Variants in SCN10A observed in about 807,000 individuals in gnomAD.
The protein encoded by SCN10A is sodium channel protein type 10 subunit alpha.
SCN10A carries 162 observed loss-of-function variants against 170.7 expected under a neutral mutation model. That is an observed-to-expected ratio of 0.95 (90% CI 0.84 to 1.08). The LOEUF (loss-of-function observed/expected upper bound fraction) is 1.08. Among genes scored for constraint, SCN10A ranks in the 50% least tolerant of loss-of-function variants. The pLI, the probability that SCN10A is intolerant of heterozygous loss-of-function variation, is 0.00. For missense variants in SCN10A, 2,527 were observed against 2,436.9 expected (o/e 1.04, Z -0.78); for synonymous variants, 985 against 904.6 (o/e 1.09, Z -1.59).
intron 26 of SCN10A, among the ~76,000 whole-genome samples, chr3:38,705,866 G>A (rs1285822636): frequency 6.6e-6 from 1 of 152,136 alleles, no homozygotes; most frequent in Non-Finnish European, 1.5e-5. Flanking sequence ...GTAAGTCTTA[G>A]GGTCCTCCTC....
intron 4 of SCN10A, among the ~76,000 whole-genome samples, chr3:38,786,527 A>G (rs2064205200): frequency 6.6e-6 from 1 of 152,174 alleles, no homozygotes; most frequent in South Asian, 2.1e-4. Context: ...TACCTAATGT[A>G]GATGATGGGT....
intron 5 of SCN10A, among the ~76,000 whole-genome samples, chr3:38,767,763 T>C (rs993177126): frequency 2.4e-4 from 37 of 152,150 alleles, no homozygotes; most frequent in Non-Finnish European, 1.9e-4. Flanking sequence ...CCATTTGTTC[T>C]AGGTTACAGT....
intron 1 of SCN10A, among the ~76,000 whole-genome samples, chr3:38,796,698 T>C (rs1222125675): frequency 6.6e-6 from 1 of 152,184 alleles, no homozygotes; most frequent in Non-Finnish European, 1.5e-5. Context: ...GCTAATCCTC[T>C]CTTATTCTTG....
At chr3:38,714,110 T>C in intron 21 of SCN10A, 30 bp from the exon 22 acceptor site, 2 of 1,609,066 alleles carry the variant, frequency 1.2e-6, no homozygotes, top group Non-Finnish European at 1.7e-6. Context: ...GAAACATCAC[T>C]CTAGGTTTCC....
At chr3:38,772,004 C>G (rs1212771516) in intron 4 of SCN10A, among the ~76,000 whole-genome samples, 4 of 152,176 alleles carry the variant, frequency 2.6e-5, no homozygotes, top group Non-Finnish European at 5.9e-5. Flanking sequence ...ACCAGTTGAG[C>G]TTTCTAGATG....
chr3:38,758,694 C>A (rs1358243439), intron 8 of SCN10A, among the ~76,000 whole-genome samples: 1 of 152,184 alleles, frequency 6.6e-6, no homozygotes, highest in East Asian at 1.9e-4. Flanking sequence ...GCTTTCACGG[C>A]ATGCCCCGGC....
At chr3:38,815,265 C>A (rs901508148) in intron 1 of SCN10A, among the ~76,000 whole-genome samples, 8 of 149,744 alleles carry the variant, frequency 5.3e-5, no homozygotes, top group Admixed American at 4.7e-4. Context: ...TGAATAATAC[C>A]CTTGGATACC....
rs1192260985 is a variant in SCN10A at position 38,718,682 on chromosome 3, AG to A, written c.3651del (p.Trp1218GlyfsTer9). ...ACAATGAGGAAGTCCAGCCAGCACCAGGCATTGGTGAAGTACTTTTTGAAGC... is the reference window on the plus strand; with the variant it reads ...ACAATGAGGAAGTCCAGCCAGCACCAGCATTGGTGAAGTACTTTTTGAAGC... Reference protein sequence around the residue: ...AYGFKKYFTNAWCWLDFLIVN... With the variant: ...AYGFKKYFTNXWCWLDFLIVN... On this transcript the variant is annotated frameshift_variant, in exon 21 of 28. Coordinates refer to ENST00000449082, the MANE Select transcript of SCN10A (RefSeq NM_006514.4). LOFTEE classifies it high-confidence loss of function. The A allele has an allele frequency of 6.2e-7, 1 of 1,614,080 alleles. No homozygotes were observed. Among genetic ancestry groups the A allele is most frequent in the East Asian group, 2.2e-5 (1 of 44,894 alleles).
intron 1 of SCN10A, 46 bp from the exon 2 acceptor site, chr3:38,794,088 T>A: frequency 7.5e-7 from 1 of 1,328,958 alleles, no homozygotes; most frequent in Non-Finnish European, 1.1e-6. Context: ...GCTTGCCCAC[T>A]GGCCCTGTCC....
chr3:38,702,159 C>A (rs778101444), intron 26 of SCN10A, 50 bp from the exon 27 acceptor site: 2 of 1,511,726 alleles, frequency 1.3e-6, no homozygotes, highest in Middle Eastern at 1.8e-4. Flanking sequence ...CAGCACAAAC[C>A]AGGCATCTGT....
Position 38,767,192 on chromosome 3 carries a change from T to G in SCN10A, c.600-3596A>C, listed in dbSNP as rs368548450. On this transcript the variant is annotated intron_variant, in intron 5 of 27. Transcript: ENST00000449082. ...ATCTTTTTAAAGAACCCGCTTTTTG[T>G]TTCACTTATCTTTTGTATTATTATT... 2.4e-4 allele frequency among the ~76,000 whole-genome samples: 36 copies of G among 152,056 alleles called. 2 individuals are homozygous for G. Among genetic ancestry groups the G allele is most frequent in the East Asian group, 1.5e-3 (8 of 5,166 alleles).
intron 19 of SCN10A, 30 bp from the exon 20 acceptor site, chr3:38,722,442 A>T: frequency 6.2e-7 from 1 of 1,607,880 alleles, no homozygotes; most frequent in Non-Finnish European, 8.5e-7. Context: ...ATGGTGGGTG[A>T]TGGCCAGTGG....
chr3:38,741,836 A>C (rs1475848816), intron 14 of SCN10A, among the ~76,000 whole-genome samples: 1 of 152,134 alleles, frequency 6.6e-6, no homozygotes, highest in African/African-American at 2.4e-5. Context: ...TTTTCTCCTT[A>C]AGTGACAACA....
chr3:38,802,065 A>G (rs1287587440), intron 1 of SCN10A, among the ~76,000 whole-genome samples: 2 of 151,914 alleles, frequency 1.3e-5, no homozygotes, highest in Non-Finnish European at 1.5e-5. Context: ...CTTCATAGCC[A>G]TTTTTCCAAG....
Position 38,696,842 on chromosome 3 carries a change from AAGGCTTTTCATGACAT to A in SCN10A, c.*491_*506del, listed in dbSNP as rs2063094426. 6.2e-6 allele frequency: 1 copy of A among 160,412 alleles called. No individual in the cohort carries two copies. Among genetic ancestry groups the A allele is most frequent in the African/African-American group, 2.4e-5 (1 of 41,540 alleles). The allele number at this position is 160,412 out of a possible 1,614,324, so 9.9% of individuals were successfully genotyped here. A position where few individuals can be genotyped will look rare whatever the true frequency, so the allele number is the denominator to read the frequency against. ...AATATTAATTTTAATGGATATCTCAAAGGCTTTTCATGACATAGGCCACAGGTGTTACCCTGGGTCA... is the reference window on the plus strand; with the variant it reads ...AATATTAATTTTAATGGATATCTCAAAGGCCACAGGTGTTACCCTGGGTCA... On this transcript the variant is annotated 3_prime_UTR_variant, in exon 28 of 28. Coordinates refer to ENST00000449082, the MANE Select transcript of SCN10A (RefSeq NM_006514.4).
chr3:38,712,548 G>A, intron 22 of SCN10A, 103 bp from the exon 23 acceptor site: 1 of 1,207,886 alleles, frequency 8.3e-7, no homozygotes, highest in East Asian at 2.4e-5. Context: ...TGAGCCAGTG[G>A]CCTTTGGAAG....
chr3:38,728,519 C>T, intron 16 of SCN10A, 23 bp downstream of exon 16: 1 of 1,547,216 alleles, frequency 6.5e-7, no homozygotes, highest in South Asian at 1.2e-5. Context: ...GAGACAGTGC[C>T]CCCAGCAGGG....
rs148963942 is a variant in SCN10A at position 38,727,035 on chromosome 3, G to A, written c.2658C>T (p.Ile886=). The A allele has an allele frequency of 8.7e-6, 14 of 1,611,130 alleles. No homozygotes were observed. The South Asian group carries it at 9.9e-5, about 11-fold the overall frequency. ...LGNLVVLNLF[I]ALLLNSFSAD... ...CACTGAAAGAGTTCAATAGCAGGGC[G>A]ATGAACAGGTTAAGCACCTGAAGAG... is the stretch of plus-strand genomic sequence containing the variant. Residue 886 remains isoleucine, a synonymous_variant, in exon 17 of 28, where the codon ATC becomes ATT. Transcript: ENST00000449082.
intron 3 of SCN10A, among the ~76,000 whole-genome samples, chr3:38,790,544 A>G (rs902744700): frequency 2.0e-5 from 3 of 151,924 alleles, no homozygotes; most frequent in Non-Finnish European, 4.4e-5. Context: ...AGGAGTTTGT[A>G]TGTTTGTGAT....
Sources: gnomAD v4.1 joint callset for allele counts (sites outside exome capture counted in the v4.1 genomes callset) on GRCh38, gnomAD v4.1.1 for gene constraint, MANE v1.5 for transcripts, NCBI Gene and HGNC (gene_info 2026-07-23, HGNC 2026-07-21) for gene names.